The following UBE4B variants were observed in gnomAD, a reference collection of about 807,000 sequenced individuals.
The protein encoded by UBE4B is ubiquitin conjugation factor E4 B.
Under a neutral mutation model 148.1 loss-of-function variants are expected in UBE4B, and 27 were observed. The observed-to-expected ratio is 0.18, with a 90% confidence interval of 0.13 to 0.25. The LOEUF (loss-of-function observed/expected upper bound fraction) is 0.25. Among genes scored for constraint, UBE4B ranks in the 10% least tolerant of loss-of-function variants. UBE4B has a pLI of 1.00. For synonymous variants in UBE4B, 596 were observed against 619.3 expected, an observed-to-expected ratio of 0.96 and a Z score of 0.56; for missense variants, 1,170 against 1,662.4, an observed-to-expected ratio of 0.70 and a Z score of 5.15.
chr1:10,071,679 C>T lies in UBE4B; in HGVS notation c.25-349C>T, dbSNP rs72861417. ...TAAGGGAACTAACATACAGTATATA[C>T]GTATTTATGTATGTATTTATGTATG... On this transcript the variant is annotated intron_variant, in intron 1 of 27. Transcript: ENST00000343090. Among the ~76,000 whole-genome samples, 1,055 of 152,008 alleles carry T rather than the reference C, an allele frequency of 6.9e-3. 15 individuals are homozygous for T. Among genetic ancestry groups the T allele is most frequent in the African/African-American group, 0.024 (1,010 of 41,484 alleles).
intron 25 of UBE4B, among the ~76,000 whole-genome samples, chr1:10,171,610 G>A (rs960265456): frequency 6.6e-5 from 10 of 152,188 alleles, no homozygotes; most frequent in African/African-American, 1.2e-4. Context: ...TCAAAAACAC[G>A]GTGGCTCACG....
At chr1:10,038,423 A>C (rs1643626805) in intron 1 of UBE4B, among the ~76,000 whole-genome samples, 1 of 152,202 alleles carries the variant, frequency 6.6e-6, no homozygotes, top group South Asian at 2.1e-4. Flanking sequence ...CTTCTGTGCC[A>C]GGCACTTGAT....
At chr1:10,089,365 A>G (rs1644812405) in intron 2 of UBE4B, among the ~76,000 whole-genome samples, 1 of 152,174 alleles carries the variant, frequency 6.6e-6, no homozygotes, top group South Asian at 2.1e-4. Context: ...TGCTCTATGA[A>G]ATAGAATATG....
chr1:10,173,479 CA>C (rs551633759), intron 25 of UBE4B, among the ~76,000 whole-genome samples: 2,526 of 124,214 alleles, frequency 0.02, 33 homozygotes, highest in Non-Finnish European at 0.025. Context: ...AAGACTGTCT[CA>C]AAAAAAAAAA....
chr1:10,105,421 C>A, intron 5 of UBE4B, 95 bp from the exon 6 acceptor site: 2 of 1,007,346 alleles, frequency 2.0e-6, no homozygotes, highest in Non-Finnish European at 3.1e-6. Flanking sequence ...CAGGATACTG[C>A]ATCGAACCAT....
intron 1 of UBE4B, among the ~76,000 whole-genome samples, chr1:10,048,312 G>A (rs915046727): frequency 2.6e-5 from 4 of 152,162 alleles, no homozygotes; most frequent in African/African-American, 9.7e-5. Context: ...TTATGAATAT[G>A]CTGCCTGTTC....
chr1:10,152,254 G>C (rs1350656343), intron 21 of UBE4B, among the ~76,000 whole-genome samples: 3 of 125,800 alleles, frequency 2.4e-5, no homozygotes. Context: ...ACAAGACTCC[G>C]TCTCAAATAA....
intron 8 of UBE4B, among the ~76,000 whole-genome samples, 200 bp from the exon 9 acceptor site, chr1:10,119,313 C>G (rs546312027): frequency 1.3e-5 from 2 of 152,204 alleles, no homozygotes; most frequent in Non-Finnish European, 2.9e-5. Flanking sequence ...CTCAAACTTA[C>G]GCTTCTTTCT....
intron 8 of UBE4B, 119 bp downstream of exon 8, chr1:10,117,719 T>A (rs1426763269): frequency 7.9e-7 from 1 of 1,271,882 alleles, no homozygotes; most frequent in East Asian, 2.6e-5. Flanking sequence ...GCATTTGCCA[T>A]GTGCCAGGCA....
chr1:10,150,957 C>T (rs530348308), intron 20 of UBE4B, among the ~76,000 whole-genome samples: 8 of 150,260 alleles, frequency 5.3e-5, no homozygotes, highest in Admixed American at 4.0e-4. Context: ...GTCAGGAGAT[C>T]GAGACCATCC....
intron 2 of UBE4B, among the ~76,000 whole-genome samples, chr1:10,078,876 G>T (rs529199310): frequency 1.1e-3 from 173 of 152,152 alleles, no homozygotes; most frequent in Non-Finnish European, 2.1e-3. Context: ...GAGTACAGTG[G>T]TGCGACCATA....
intron 25 of UBE4B, among the ~76,000 whole-genome samples, chr1:10,175,742 A>G (rs1571040432): frequency 6.6e-6 from 1 of 152,220 alleles, no homozygotes; most frequent in East Asian, 1.9e-4. Context: ...GTCTTTCCTA[A>G]GTAATTGCTC....
At position 10,179,511 on chromosome 1, in the gene UBE4B, C is replaced by G. The variant is rs146686475; in HGVS notation, c.3796C>G (p.Pro1266Ala). ...SIILRHLLNS[P>A]TDPFNRQTLT... ...CATCCTGCGGCACCTGCTCAACTCC[C>G]CCACGGACCCCTTCAACCGGCAGAC... The change falls in exon 27 of 28, where the codon CCC (proline) becomes GCC (alanine). Residue 1266 changes from proline to alanine, a missense_variant. Physicochemically the swap from Pro to Ala is conservative, Grantham distance 27. Transcript: ENST00000343090. 1,222 of 1,613,876 alleles carry G rather than the reference C, an allele frequency of 7.6e-4. No individual in the cohort carries two copies. Among genetic ancestry groups the G allele is most frequent in the Non-Finnish European group, 9.1e-4 (1,077 of 1,180,026 alleles).
At position 10,116,339 on chromosome 1, in the gene UBE4B, C is replaced by T. The variant is rs183051112; in HGVS notation, c.1197-1120C>T. Among the ~76,000 whole-genome samples the T allele has an allele frequency of 1.9e-3, 290 of 152,208 alleles. 4 individuals carry two copies. The highest frequency in any genetic ancestry group is 3.4e-3 in the Middle Eastern group (1 of 294). ...TGTATTTTTAGTAGAAACAGGGTTTCGCCCTGTTGGTCAGGCTGGTCTTGA... is the reference window on the plus strand; with the variant it reads ...TGTATTTTTAGTAGAAACAGGGTTTTGCCCTGTTGGTCAGGCTGGTCTTGA... On this transcript the variant is annotated intron_variant, in intron 7 of 27. Coordinates refer to ENST00000343090, the MANE Select transcript of UBE4B (RefSeq NM_001105562.3).
Position 10,064,622 on chromosome 1 carries a change from C to T in UBE4B, c.25-7406C>T, listed in dbSNP as rs138107259. Among the ~76,000 whole-genome samples the T allele has an allele frequency of 1.1e-4, 17 of 152,242 alleles. No individual in the cohort carries two copies. The East Asian group carries it at 2.9e-3, about 26-fold the overall frequency. ...CCTTCAGTTCCACTCTCTATCACCT[C>T]GTCTCTTTGTCACTTCCTTTTCCTC... On this transcript the variant is annotated intron_variant, in intron 1 of 27. Coordinates refer to ENST00000343090, the MANE Select transcript of UBE4B (RefSeq NM_001105562.3).
intron 25 of UBE4B, among the ~76,000 whole-genome samples, chr1:10,173,643 C>T (rs1014797828): frequency 6.6e-6 from 1 of 152,126 alleles, no homozygotes; most frequent in Non-Finnish European, 1.5e-5. Flanking sequence ...GTGGGGTCCA[C>T]ACCTGACTGT....
rs61782894 is a variant in UBE4B, at chr1:10,038,451, G to T, written c.24+4757G>T. ...CACTTGATAGCTGTTTCTCATTAGA[G>T]AAAACATTATAATCAAGCAGGTACT... On this transcript the variant is annotated intron_variant, in intron 1 of 27. Transcript: ENST00000343090. Among the ~76,000 whole-genome samples the T allele has an allele frequency of 6.2e-4, 94 of 152,124 alleles. 1 individual carries two copies. The highest frequency in any genetic ancestry group is 1.3e-3 in the Non-Finnish European group (87 of 68,018).
At chr1:10,063,462 A>G (rs1383761859) in intron 1 of UBE4B, among the ~76,000 whole-genome samples, 1 of 152,086 alleles carries the variant, frequency 6.6e-6, no homozygotes, top group Non-Finnish European at 1.5e-5. Context: ...CTTCTTCCTC[A>G]CTTTTTACTT....
chr1:10,039,385 C>G (rs566025771), intron 1 of UBE4B, among the ~76,000 whole-genome samples: 4 of 152,182 alleles, frequency 2.6e-5, no homozygotes, highest in African/African-American at 9.6e-5. Context: ...TGGCAGGTAC[C>G]TGATCTTGGA....
Sources: gnomAD v4.1 joint callset for allele counts (sites outside exome capture counted in the v4.1 genomes callset) on GRCh38, gnomAD v4.1.1 for gene constraint, MANE v1.5 for transcripts, NCBI Gene and HGNC (gene_info 2026-07-23, HGNC 2026-07-21) for gene names.